IQGAP2: variants seen among roughly 807,000 people sequenced by gnomAD.
IQGAP2 encodes the protein ras GTPase-activating-like protein IQGAP2.
IQGAP2 carries 173 observed loss-of-function variants against 201.3 expected under a neutral mutation model. The ratio of observed to expected loss-of-function variants is 0.86; its 90% CI spans 0.76 to 0.98. The LOEUF (loss-of-function observed/expected upper bound fraction) is 0.98. IQGAP2 is among the 50% of genes least tolerant of loss of function. The pLI is 0.00. For synonymous variants in IQGAP2, 675 were observed against 673.9 expected (o/e 1.00, Z -0.03); for missense variants, 1,687 against 1,864.8 (o/e 0.90, Z 1.76).
At chr5:76,610,072 C>CTA (rs1748171923) in intron 12 of IQGAP2, among the ~76,000 whole-genome samples, 1 of 4,176 alleles carries the variant, frequency 2.4e-4, no homozygotes, top group African/African-American at 6.3e-4. Flanking sequence ...CTCTCTCTCT[C>CTA]TCTCTATATA....
intron 13 of IQGAP2, among the ~76,000 whole-genome samples, chr5:76,621,905 G>C (rs1749716053): frequency 2.0e-5 from 3 of 152,126 alleles, no homozygotes; most frequent in Admixed American, 1.3e-4. Flanking sequence ...GGCCTCTCAG[G>C]GGTGTCCAAG....
chr5:76,617,948 C>T (rs770425741), intron 13 of IQGAP2: 2 of 1,614,120 alleles, frequency 1.2e-6, no homozygotes, highest in Non-Finnish European at 1.7e-6. Flanking sequence ...GAGATGAGGA[C>T]TCGCAAGTGT....
chr5:76,665,368 G>A (rs1196438454), intron 22 of IQGAP2, among the ~76,000 whole-genome samples, 193 bp downstream of exon 22: 1 of 152,186 alleles, frequency 6.6e-6, no homozygotes, highest in Admixed American at 6.5e-5. Context: ...CCTGGGAGCC[G>A]TGAGAGAATG....
At chr5:76,491,739 A>G (rs1419109819) in intron 2 of IQGAP2, among the ~76,000 whole-genome samples, 2 of 152,020 alleles carry the variant, frequency 1.3e-5, no homozygotes, top group Non-Finnish European at 2.9e-5. Context: ...CTCTTCTCTC[A>G]CATACCTACC....
intron 2 of IQGAP2, among the ~76,000 whole-genome samples, chr5:76,517,248 G>A (rs535932625): frequency 2.0e-5 from 3 of 152,010 alleles, no homozygotes; most frequent in Admixed American, 6.6e-5. Context: ...AGATACATAC[G>A]TGCACACACA....
intron 13 of IQGAP2, chr5:76,623,356 C>G: frequency 8.8e-7 from 1 of 1,140,630 alleles, no homozygotes; most frequent in Non-Finnish European, 1.3e-6. Flanking sequence ...AGTTTGCTCT[C>G]CTGTGCCGTG....
intron 30 of IQGAP2, among the ~76,000 whole-genome samples, chr5:76,692,444 G>A (rs775129693): frequency 1.2e-4 from 18 of 152,258 alleles, no homozygotes; most frequent in African/African-American, 1.7e-4. Context: ...GAGCCACCGC[G>A]CCTGGCCCTT....
chr5:76,532,901 C>T (rs1354121055), intron 2 of IQGAP2, among the ~76,000 whole-genome samples: 1 of 152,220 alleles, frequency 6.6e-6, no homozygotes, highest in Non-Finnish European at 1.5e-5. Context: ...TTCCAGGTCC[C>T]CAGAGAAGGG....
intron 1 of IQGAP2, among the ~76,000 whole-genome samples, chr5:76,426,820 G>A (rs1386718896): frequency 6.6e-6 from 1 of 152,086 alleles, no homozygotes; most frequent in African/African-American, 2.4e-5. Context: ...TTGATGAAAG[G>A]ACAGGGCCCC....
intron 15 of IQGAP2, 60 bp from the exon 16 acceptor site, chr5:76,636,974 T>G: frequency 7.6e-7 from 1 of 1,320,788 alleles, no homozygotes; most frequent in Non-Finnish European, 1.0e-6. Flanking sequence ...TTAAAGAAAC[T>G]ACACTAATGT....
intron 22 of IQGAP2, 146 bp from the exon 23 acceptor site, chr5:76,668,535 A>T (rs1482970949): frequency 1.1e-5 from 7 of 626,558 alleles, no homozygotes; most frequent in Admixed American, 3.5e-5. Flanking sequence ...GGCATATAAA[A>T]ATTATTTTAT....
rs145399507 is a variant in IQGAP2 at position 76,462,580 on chromosome 5, G to A, written c.146+911G>A. 3.3e-3 allele frequency among the ~76,000 whole-genome samples: 503 copies of A among 152,218 alleles called. 3 individuals carry two copies. The highest frequency in any genetic ancestry group is 0.011 in the African/African-American group (466 of 41,526). On this transcript the variant is annotated intron_variant, in intron 2 of 35. Transcript: ENST00000274364. ...TGATTGAATGCTTTATGCCAGGGTG[G>A]AGCGACAGTATTGTTCCCTGGACAA...
intron 17 of IQGAP2, among the ~76,000 whole-genome samples, chr5:76,647,544 T>C (rs55845656): frequency 0.041 from 5,794 of 141,504 alleles, 165 homozygotes; most frequent in East Asian, 0.18. Context: ...ATAAGGGGTT[T>C]CCACTTTTGC....
At chr5:76,555,267 C>T (rs139375083) in intron 2 of IQGAP2, among the ~76,000 whole-genome samples, 11 of 152,214 alleles carry the variant, frequency 7.2e-5, no homozygotes, top group African/African-American at 2.6e-4. Context: ...TTGCATTATA[C>T]GTGTTAAGTG....
chr5:76,622,977 A>G (rs550508171), intron 13 of IQGAP2, among the ~76,000 whole-genome samples: 2 of 152,362 alleles, frequency 1.3e-5, no homozygotes, highest in South Asian at 4.1e-4. Context: ...CACTTAGTCT[A>G]TGACCAGGTT....
At chr5:76,487,901 C>G (rs1003082022) in intron 2 of IQGAP2, among the ~76,000 whole-genome samples, 2 of 152,156 alleles carry the variant, frequency 1.3e-5, no homozygotes, top group African/African-American at 2.4e-5. Flanking sequence ...ATGGTAGAAC[C>G]ATATTGGGAA....
At chr5:76,505,029 T>C (rs540219430) in intron 2 of IQGAP2, among the ~76,000 whole-genome samples, 1 of 152,238 alleles carries the variant, frequency 6.6e-6, no homozygotes, top group Admixed American at 6.5e-5. Flanking sequence ...TGTTCAAAGG[T>C]CATGTCCTCT....
chr5:76,567,365 T>C (rs923214432), intron 3 of IQGAP2, among the ~76,000 whole-genome samples: 1 of 152,260 alleles, frequency 6.6e-6, no homozygotes, highest in African/African-American at 2.4e-5. Context: ...GTATGTCTGA[T>C]GCAAATATTC....
At chr5:76,570,521 A>G in intron 3 of IQGAP2, 59 bp from the exon 4 acceptor site, 1 of 1,162,146 alleles carries the variant, frequency 8.6e-7, no homozygotes, top group South Asian at 1.2e-5. Flanking sequence ...AGTTATTGCA[A>G]ATGACTCACT....
Sources: gnomAD v4.1 joint callset for allele counts (sites outside exome capture counted in the v4.1 genomes callset) on GRCh38, gnomAD v4.1.1 for gene constraint, MANE v1.5 for transcripts, NCBI Gene and HGNC (gene_info 2026-07-23, HGNC 2026-07-21) for gene names.